The following RAB5C variants were observed in gnomAD, a reference collection of about 807,000 sequenced individuals.
RAB5C encodes RAB5C, member RAS oncogene family.
RAB5C carries 4 observed loss-of-function variants against 25.2 expected under a neutral mutation model. That is an observed-to-expected ratio of 0.16 (90% CI 0.08 to 0.36). RAB5C has a LOEUF of 0.36. RAB5C is among the 10% of genes least tolerant of loss of function. The pLI is 1.00. For missense variants in RAB5C, 199 were observed against 283.8 expected, an observed-to-expected ratio of 0.70 and a Z score of 2.15; for synonymous variants, 100 against 106.4, an observed-to-expected ratio of 0.94 and a Z score of 0.37.
chr17:42,154,179 CTGATCTG>C (rs2079690784), intron 1 of RAB5C, among the ~76,000 whole-genome samples: 1 of 152,168 alleles, frequency 6.6e-6, no homozygotes, highest in Non-Finnish European at 1.5e-5. Flanking sequence ...CACATCCACC[CTGATCTG>C]TGATCTGTAG....
chr17:42,135,706 CT>C (rs578050446), intron 1 of RAB5C, among the ~76,000 whole-genome samples: 125 of 152,338 alleles, frequency 8.2e-4, no homozygotes, highest in African/African-American at 2.9e-3. Flanking sequence ...ATTCCTCCCC[CT>C]AACCTCCCTT....
intron 1 of RAB5C, among the ~76,000 whole-genome samples, chr17:42,146,708 C>T (rs1206733194): frequency 1.3e-5 from 2 of 150,576 alleles, no homozygotes; most frequent in Admixed American, 6.6e-5. Flanking sequence ...AAGATGGCAT[C>T]ACTGCACTCC....
chr17:42,153,944 C>G (rs1163733932), intron 1 of RAB5C, among the ~76,000 whole-genome samples: 2 of 152,146 alleles, frequency 1.3e-5, no homozygotes, highest in Non-Finnish European at 2.9e-5. Flanking sequence ...TGGTGTGGAC[C>G]TGTTGCTCAG....
At chr17:42,128,207 G>A in intron 4 of RAB5C, 54 bp downstream of exon 4, 1 of 1,577,528 alleles carries the variant, frequency 6.3e-7, no homozygotes, top group Non-Finnish European at 8.6e-7. Context: ...TCCCAGGCGA[G>A]GCCGGGGGGA....
At chr17:42,141,323 A>C (rs2079602217) in intron 1 of RAB5C, among the ~76,000 whole-genome samples, 1 of 152,182 alleles carries the variant, frequency 6.6e-6, no homozygotes, top group African/African-American at 2.4e-5. Flanking sequence ...AAAGCAAGAG[A>C]AATTAAAGGC....
Position 42,130,604 on chromosome 17 carries a change from A to G in RAB5C, c.-88-14T>C. The G allele has an allele frequency of 1.9e-6, 3 of 1,551,550 alleles. No individual in the cohort carries two copies. Among genetic ancestry groups the G allele is most frequent in the Non-Finnish European group, 2.6e-6 (3 of 1,148,526 alleles). ...GGGGACCTCCAACTGTAAGGGAGAA[A>G]TGAGAAGTACTGAGTTAGTTCAGAG... On this transcript the variant is annotated splice_polypyrimidine_tract_variant and intron_variant, in intron 1 of 5. Transcript: ENST00000346213.
chr17:42,125,628 C>T lies in RAB5C; in HGVS notation c.*155G>A, dbSNP rs1233890020. ...AAGGTGCAGGTGGAATGACTCACTC[C>T]GGCCTATGATCAAAATTATATGGAG... On this transcript the variant is annotated 3_prime_UTR_variant, in exon 6 of 6. Coordinates refer to ENST00000346213, the MANE Select transcript of RAB5C (RefSeq NM_004583.4). 1.3e-5 allele frequency: 8 copies of T among 595,438 alleles called. No homozygotes were observed. The highest frequency in any genetic ancestry group is 3.7e-5 in the African/African-American group (2 of 53,774). 36.9% of individuals were successfully genotyped at this position (595,438 alleles called of 1,614,324 possible).
At chr17:42,135,307 T>C (rs1236013169) in intron 1 of RAB5C, among the ~76,000 whole-genome samples, 6 of 149,828 alleles carry the variant, frequency 4.0e-5, no homozygotes, top group Non-Finnish European at 8.9e-5. Context: ...TTGCCCAGGC[T>C]AGAGCAGTGA....
At chr17:42,134,531 C>T (rs570228678) in intron 1 of RAB5C, among the ~76,000 whole-genome samples, 3 of 152,242 alleles carry the variant, frequency 2.0e-5, no homozygotes, top group Admixed American at 2.0e-4. Flanking sequence ...GAGCTGAGAT[C>T]GCGCCATTGC....
At chr17:42,130,164 T>C (rs1346948784) in intron 2 of RAB5C, 173 bp downstream of exon 2, 2 of 836,492 alleles carry the variant, frequency 2.4e-6, no homozygotes, top group South Asian at 2.0e-5. Context: ...GAGGGGACTC[T>C]GGCATGGAGA....
intron 1 of RAB5C, among the ~76,000 whole-genome samples, chr17:42,151,951 C>T (rs922191424): frequency 2.0e-5 from 3 of 152,076 alleles, no homozygotes; most frequent in African/African-American, 7.2e-5. Context: ...CATGTTCATT[C>T]ATTTAACGAA....
At chr17:42,135,488 A>G (rs1267009248) in intron 1 of RAB5C, among the ~76,000 whole-genome samples, 1 of 152,102 alleles carries the variant, frequency 6.6e-6, no homozygotes, top group Non-Finnish European at 1.5e-5. Context: ...TTTTAAAAAT[A>G]AGTTCCCAGT....
intron 1 of RAB5C, among the ~76,000 whole-genome samples, chr17:42,131,453 CAA>C (rs920779048): frequency 1.3e-5 from 2 of 151,680 alleles, no homozygotes; most frequent in African/African-American, 4.8e-5. Flanking sequence ...CACACACACA[CAA>C]AAACACATGC....
chr17:42,143,930 C>T (rs1044241166), intron 1 of RAB5C, among the ~76,000 whole-genome samples: 1 of 151,932 alleles, frequency 6.6e-6, no homozygotes, highest in South Asian at 2.1e-4. Flanking sequence ...GGATTACAAG[C>T]GTGCACCATC....
intron 3 of RAB5C, 107 bp downstream of exon 3, chr17:42,128,542 A>T: frequency 2.4e-6 from 1 of 422,896 alleles, no homozygotes; most frequent in Non-Finnish European, 4.0e-6. Context: ...CCCACCCCCC[A>T]CCCAGGAACA....
chr17:42,140,406 A>G (rs1238647210), intron 1 of RAB5C, among the ~76,000 whole-genome samples: 1 of 150,856 alleles, frequency 6.6e-6, no homozygotes, highest in Non-Finnish European at 1.5e-5. Context: ...AACAAGAAAA[A>G]AGTCAAAGTT....
At chr17:42,149,996 T>A (rs886849396) in intron 1 of RAB5C, among the ~76,000 whole-genome samples, 2 of 151,010 alleles carry the variant, frequency 1.3e-5, no homozygotes, top group African/African-American at 4.9e-5. Flanking sequence ...CCCAGGTTCC[T>A]GCCTAAGCCT....
chr17:42,148,922 T>A (rs1380430861), intron 1 of RAB5C, among the ~76,000 whole-genome samples: 3 of 152,198 alleles, frequency 2.0e-5, no homozygotes, highest in Non-Finnish European at 4.4e-5. Context: ...CTCCTGGGGT[T>A]GTCGGAGGAT....
intron 1 of RAB5C, among the ~76,000 whole-genome samples, chr17:42,150,481 T>G (rs1400854450): frequency 6.0e-5 from 8 of 134,342 alleles, no homozygotes; most frequent in Non-Finnish European, 1.2e-4. Context: ...GAGACAGAGG[T>G]TGCAGTGAGC....
Sources: gnomAD v4.1 joint callset for allele counts (sites outside exome capture counted in the v4.1 genomes callset) on GRCh38, gnomAD v4.1.1 for gene constraint, MANE v1.5 for transcripts, NCBI Gene and HGNC (gene_info 2026-07-23, HGNC 2026-07-21) for gene names.